The following DOCK3 variants were observed in gnomAD, a reference collection of about 807,000 sequenced individuals.
DOCK3 encodes dedicator of cytokinesis 3, also known as dedicator of cytokinesis protein 3.
DOCK3 carries 60 observed loss-of-function variants against 265.6 expected under a neutral mutation model. The ratio of observed to expected loss-of-function variants is 0.23; its 90% CI spans 0.18 to 0.28. The LOEUF is 0.28. Ranked by LOEUF, DOCK3 falls within the 10% of genes least tolerant of loss-of-function variation. The pLI is 1.00. For missense variants in DOCK3, 1,981 were observed against 2,594.3 expected (o/e 0.76, Z 5.14); for synonymous variants, 881 against 938.0 (o/e 0.94, Z 1.11).
chr3:51,362,122 C>A, intron 48 of DOCK3, 125 bp downstream of exon 48: 1 of 1,253,218 alleles, frequency 8.0e-7, no homozygotes, highest in East Asian at 2.6e-5. Flanking sequence ...ATTCAGAACA[C>A]CCCTCACCAG....
At chr3:51,268,221 T>C (rs2080304228) in intron 23 of DOCK3, among the ~76,000 whole-genome samples, 1 of 152,190 alleles carries the variant, frequency 6.6e-6, no homozygotes, top group Admixed American at 6.6e-5. Flanking sequence ...TGCTTTCTTA[T>C]ATTAAAACTA....
At chr3:50,989,975 C>A (rs2108612786) in intron 5 of DOCK3, among the ~76,000 whole-genome samples, 1 of 152,174 alleles carries the variant, frequency 6.6e-6, no homozygotes, top group African/African-American at 2.4e-5. Context: ...TCTGACAGAG[C>A]TGAAATAACA....
intron 12 of DOCK3, among the ~76,000 whole-genome samples, chr3:51,200,937 G>T (rs1472756685): frequency 6.6e-6 from 1 of 152,066 alleles, no homozygotes; most frequent in Non-Finnish European, 1.5e-5. Context: ...CTTCATAAGT[G>T]AAGGAGAAAT....
At chr3:50,782,470 T>G (rs994505058) in intron 2 of DOCK3, among the ~76,000 whole-genome samples, 1 of 151,370 alleles carries the variant, frequency 6.6e-6, no homozygotes, top group Non-Finnish European at 1.5e-5. Context: ...TTTTGTATTT[T>G]TAGTAGAGAC....
At chr3:50,805,244 G>C (rs371894559) in intron 2 of DOCK3, among the ~76,000 whole-genome samples, 14 of 152,108 alleles carry the variant, frequency 9.2e-5, no homozygotes, top group African/African-American at 3.4e-4. Context: ...AGTTTTTTCA[G>C]CTGTAACCCA....
chr3:51,002,429 CAA>C (rs1390321477), intron 5 of DOCK3, among the ~76,000 whole-genome samples: 1 of 152,138 alleles, frequency 6.6e-6, no homozygotes, highest in Non-Finnish European at 1.5e-5. Context: ...CTTCACACAG[CAA>C]AAGTTTCAAA....
At chr3:51,268,534 C>T (rs1208273830) in intron 23 of DOCK3, among the ~76,000 whole-genome samples, 1 of 152,158 alleles carries the variant, frequency 6.6e-6, no homozygotes, top group African/African-American at 2.4e-5. Flanking sequence ...GATCAGACAG[C>T]CTCTCTCATG....
chr3:51,242,516 G>C (rs967098188), intron 21 of DOCK3, among the ~76,000 whole-genome samples: 1 of 152,290 alleles, frequency 6.6e-6, no homozygotes, highest in Middle Eastern at 3.4e-3. Context: ...AGGTGGCAGA[G>C]GCAACATGGC....
At chr3:51,119,388 G>C (rs538889880) in intron 9 of DOCK3, among the ~76,000 whole-genome samples, 3 of 152,244 alleles carry the variant, frequency 2.0e-5, no homozygotes, top group African/African-American at 7.2e-5. Flanking sequence ...CTCTCTGGCT[G>C]CCCTTAACAT....
At chr3:50,767,302 G>A (rs2040954310) in intron 1 of DOCK3, among the ~76,000 whole-genome samples, 1 of 152,148 alleles carries the variant, frequency 6.6e-6, no homozygotes, top group African/African-American at 2.4e-5. Flanking sequence ...TGTATAAGTT[G>A]TAAGGAAGGG....
intron 2 of DOCK3, 92 bp from the exon 3 acceptor site, chr3:50,841,578 AAAGAT>A: frequency 2.3e-6 from 1 of 441,162 alleles, no homozygotes; most frequent in Admixed American, 3.9e-5. Context: ...TGTTTTAAGG[AAAGAT>A]GTGCATTTAT....
chr3:50,988,486 C>A (rs540231041), intron 5 of DOCK3, among the ~76,000 whole-genome samples: 9 of 152,178 alleles, frequency 5.9e-5, no homozygotes, highest in African/African-American at 2.2e-4. Flanking sequence ...GTGTCCGAAG[C>A]GACGGGGCCA....
chr3:50,733,533 T>A (rs1032977155), intron 1 of DOCK3, among the ~76,000 whole-genome samples: 4 of 152,258 alleles, frequency 2.6e-5, no homozygotes, highest in Non-Finnish European at 5.9e-5. Flanking sequence ...GATACAAGTA[T>A]AGCTACTCTT....
intron 1 of DOCK3, among the ~76,000 whole-genome samples, chr3:50,719,263 A>AT (rs2037323386): frequency 1.9e-5 from 1 of 52,374 alleles, no homozygotes; most frequent in South Asian, 8.8e-4. Flanking sequence ...CAGTTTAGAT[A>AT]TTTTCTTTTT....
intron 24 of DOCK3, among the ~76,000 whole-genome samples, chr3:51,273,622 A>C (rs1178848789): frequency 7.9e-5 from 12 of 152,162 alleles, no homozygotes. Flanking sequence ...TTAAATCTAG[A>C]CTAGCTAGTA....
chr3:51,092,416 C>T (rs1299200287), intron 9 of DOCK3, among the ~76,000 whole-genome samples: 6 of 152,296 alleles, frequency 3.9e-5, no homozygotes, highest in East Asian at 1.9e-4. Context: ...TTGAACTGGG[C>T]GGAGCCCACT....
At chr3:51,377,368 C>A (rs763924745) in intron 51 of DOCK3, among the ~76,000 whole-genome samples, 1 of 152,268 alleles carries the variant, frequency 6.6e-6, no homozygotes, top group Non-Finnish European at 1.5e-5. Flanking sequence ...AGGAACTATA[C>A]ATACTTGTCA....
chr3:51,107,265 C>A (rs967739678), intron 9 of DOCK3, among the ~76,000 whole-genome samples: 1 of 152,132 alleles, frequency 6.6e-6, no homozygotes, highest in African/African-American at 2.4e-5. Context: ...GAGAAAGAAC[C>A]AGTGCAAGAA....
chr3:50,905,386 A>G (rs944866675), intron 4 of DOCK3, among the ~76,000 whole-genome samples: 2 of 152,068 alleles, frequency 1.3e-5, no homozygotes, highest in African/African-American at 4.8e-5. Flanking sequence ...GCTTCTTCCT[A>G]TCCATGAGCA....
Sources: gnomAD v4.1 joint callset for allele counts (sites outside exome capture counted in the v4.1 genomes callset) on GRCh38, gnomAD v4.1.1 for gene constraint, MANE v1.5 for transcripts, NCBI Gene and HGNC (gene_info 2026-07-23, HGNC 2026-07-21) for gene names.